Variants in C1orf146 observed in about 807,000 individuals in gnomAD.
C1orf146 encodes the protein chromosome 1 open reading frame 146, also known as protein SPO16 homolog.
C1orf146 carries 22 observed loss-of-function variants against 23.0 expected under a neutral mutation model. The ratio of observed to expected loss-of-function variants is 0.96; its 90% CI spans 0.68 to 1.36. The LOEUF (loss-of-function observed/expected upper bound fraction) is 1.36. C1orf146 is among the 40% of genes most tolerant of loss of function. The pLI is 0.00. For missense variants in C1orf146, 199 were observed against 206.8 expected (o/e 0.96, Z 0.23); for synonymous variants, 59 against 65.3 (o/e 0.90, Z 0.47).
At chr1:92,229,680 C>G (rs1219813424) in intron 1 of C1orf146, among the ~76,000 whole-genome samples, 1 of 152,062 alleles carries the variant, frequency 6.6e-6, no homozygotes, top group Non-Finnish European at 1.5e-5. Context: ...ATAAATTTGA[C>G]TACATTGGAA....
At chr1:92,221,249 A>T (rs926425949) in intron 1 of C1orf146, among the ~76,000 whole-genome samples, 1 of 152,210 alleles carries the variant, frequency 6.6e-6, no homozygotes, top group African/African-American at 2.4e-5. Flanking sequence ...CAAATGCCAC[A>T]TGCTCTCACT....
intron 2 of C1orf146, among the ~76,000 whole-genome samples, chr1:92,241,413 G>C (rs948856855): frequency 6.6e-6 from 1 of 151,710 alleles, no homozygotes; most frequent in Non-Finnish European, 1.5e-5. Context: ...TGTTGCCCCG[G>C]CTGGTCTTGA....
intron 1 of C1orf146, among the ~76,000 whole-genome samples, chr1:92,221,516 A>C (rs1487856828): frequency 6.6e-6 from 1 of 152,204 alleles, no homozygotes; most frequent in African/African-American, 2.4e-5. Context: ...AATTTTTACC[A>C]CTGAAACAAC....
At chr1:92,218,747 ACGCT>A (rs1651746353) in intron 1 of C1orf146, among the ~76,000 whole-genome samples, 1 of 150,938 alleles carries the variant, frequency 6.6e-6, no homozygotes, top group South Asian at 2.1e-4. Flanking sequence ...CTGTCCCTGC[ACGCT>A]CAGCGTTCAC....
intron 1 of C1orf146, among the ~76,000 whole-genome samples, chr1:92,227,979 T>C (rs1049898815): frequency 6.6e-6 from 1 of 152,210 alleles, no homozygotes; most frequent in Non-Finnish European, 1.5e-5. Flanking sequence ...GTATTGGTCC[T>C]GCTCCATTCT....
intron 1 of C1orf146, among the ~76,000 whole-genome samples, chr1:92,226,251 T>C (rs1315497676): frequency 6.6e-6 from 1 of 152,174 alleles, no homozygotes; most frequent in Non-Finnish European, 1.5e-5. Flanking sequence ...CTAAATTTTT[T>C]TTGTTATTTT....
At chr1:92,238,116 A>G (rs546869760) in intron 2 of C1orf146, among the ~76,000 whole-genome samples, 23 of 152,152 alleles carry the variant, frequency 1.5e-4, no homozygotes, top group African/African-American at 5.5e-4. Flanking sequence ...TTTAGTAGAG[A>G]CGGGGTTTCA....
At chr1:92,219,970 G>A (rs1268460793) in intron 1 of C1orf146, among the ~76,000 whole-genome samples, 2 of 152,160 alleles carry the variant, frequency 1.3e-5, no homozygotes, top group South Asian at 2.1e-4. Context: ...GGATTATAAT[G>A]CTATTTTATT....
intron 1 of C1orf146, among the ~76,000 whole-genome samples, chr1:92,224,842 A>C (rs1304943253): frequency 6.6e-6 from 1 of 152,000 alleles, no homozygotes; most frequent in Non-Finnish European, 1.5e-5. Context: ...TCCTGGGTTC[A>C]AGCAATTCTC....
chr1:92,218,712 C>T (rs548329915), intron 1 of C1orf146, among the ~76,000 whole-genome samples: 25 of 152,190 alleles, frequency 1.6e-4, no homozygotes, highest in Middle Eastern at 3.4e-3. Flanking sequence ...CCCCCGGTCC[C>T]GTCCCCCGCG....
At position 92,223,021 on chromosome 1, in the gene C1orf146, G is replaced by A. The variant is rs868087953; in HGVS notation, c.-40+4973G>A. On this transcript the variant is annotated intron_variant, in intron 1 of 5. Coordinates refer to ENST00000370375, the MANE Select transcript of C1orf146 (RefSeq NM_001012425.2). Reference sequence around the variant, plus strand: ...TATCAATAGTTCATTCCTTTTTGTTGCTGAGTAATACGCCATTGTATGAAT... The same window carrying A: ...TATCAATAGTTCATTCCTTTTTGTTACTGAGTAATACGCCATTGTATGAAT... Among the ~76,000 whole-genome samples the A allele has an allele frequency of 3.3e-5, 5 of 152,174 alleles. No homozygotes were observed. In the Middle Eastern group the frequency reaches 0.01, roughly 311 times the overall value.
At chr1:92,229,374 C>T (rs1030243346) in intron 1 of C1orf146, 27 of 542,164 alleles carry the variant, frequency 5.0e-5, no homozygotes, top group South Asian at 1.0e-4. Context: ...CTCCGGACAC[C>T]GGAACCGTTC....
chr1:92,244,707 CTT>C, intron 4 of C1orf146, 70 bp from the exon 5 acceptor site: 3 of 972,294 alleles, frequency 3.1e-6, no homozygotes, highest in Non-Finnish European at 4.8e-6. Context: ...AGATTTGTCT[CTT>C]CTTTCCACTT....
At chr1:92,242,150 T>C (rs1422882214) in intron 2 of C1orf146, 62 bp from the exon 3 acceptor site, 1 of 845,766 alleles carries the variant, frequency 1.2e-6, no homozygotes, top group Non-Finnish European at 1.8e-6. Context: ...TAATTTTTTC[T>C]TTAGCTTTAA....
intron 1 of C1orf146, among the ~76,000 whole-genome samples, chr1:92,221,079 AAGC>A (rs1372773053): frequency 2.6e-5 from 4 of 152,200 alleles, no homozygotes; most frequent in Non-Finnish European, 5.9e-5. Flanking sequence ...TTCATGGAAA[AAGC>A]AGGAATTAAA....
At chr1:92,236,813 T>TA (rs1187295756) in intron 2 of C1orf146, among the ~76,000 whole-genome samples, 1 of 152,174 alleles carries the variant, frequency 6.6e-6, no homozygotes, top group African/African-American at 2.4e-5. Context: ...CGTTTCTTTT[T>TA]ATTCTTTTTT....
chr1:92,236,912 G>C (rs552398953), intron 2 of C1orf146, among the ~76,000 whole-genome samples: 22 of 152,168 alleles, frequency 1.4e-4, no homozygotes, highest in Non-Finnish European at 2.2e-4. Flanking sequence ...GGCTCCTGAG[G>C]CTTCTGCATT....
chr1:92,237,620 C>G (rs1335581183), intron 2 of C1orf146, among the ~76,000 whole-genome samples: 1 of 152,210 alleles, frequency 6.6e-6, no homozygotes, highest in Non-Finnish European at 1.5e-5. Context: ...AGAACCACTG[C>G]TCTCTTCAAA....
rs770609372 is a variant in C1orf146 at position 92,242,295 on chromosome 1, TTC to T, written c.154_155del (p.Leu52PhefsTer11). The T allele has an allele frequency of 3.2e-6, 5 of 1,586,582 alleles. No individual in the cohort carries two copies. In the Admixed American group the frequency reaches 8.6e-5, roughly 27 times the overall value. On this transcript the variant is annotated frameshift_variant, in exon 3 of 6. Coordinates refer to ENST00000370375, the MANE Select transcript of C1orf146 (RefSeq NM_001012425.2). LOFTEE classifies it high-confidence loss of function. Reference sequence around the variant, plus strand: ...CAGTGGAAAATGGATCAATTATATTTTCTCTTTCTGGTATGGTATATTTGCTC... The same window carrying T: ...CAGTGGAAAATGGATCAATTATATTTTCTTTCTGGTATGGTATATTTGCTC... ...DSVENGSIIF[S>X]LSGVAFLLMD...
Sources: gnomAD v4.1 joint callset for allele counts (sites outside exome capture counted in the v4.1 genomes callset) on GRCh38, gnomAD v4.1.1 for gene constraint, MANE v1.5 for transcripts, NCBI Gene and HGNC (gene_info 2026-07-23, HGNC 2026-07-21) for gene names.